The following ZCWPW2 variants were observed in gnomAD, a reference collection of about 807,000 sequenced individuals.
ZCWPW2 encodes the protein zinc finger CW-type PWWP domain protein 2.
In ZCWPW2, 45 loss-of-function variants were observed where a neutral mutation model predicts 46.6. The ratio of observed to expected loss-of-function variants is 0.96; its 90% CI spans 0.76 to 1.24. The LOEUF is 1.24. Among genes scored for constraint, ZCWPW2 ranks in the 50% most tolerant of loss-of-function variants. The pLI, the probability that ZCWPW2 is intolerant of heterozygous loss-of-function variation, is 0.00. For missense variants in ZCWPW2, 429 were observed against 403.9 expected, an observed-to-expected ratio of 1.06 and a Z score of -0.53; for synonymous variants, 152 against 137.1, an observed-to-expected ratio of 1.11 and a Z score of -0.76.
chr3:28,442,965 T>C (rs1277971029), intron 4 of ZCWPW2, among the ~76,000 whole-genome samples: 1 of 152,170 alleles, frequency 6.6e-6, no homozygotes, highest in East Asian at 1.9e-4. Context: ...CTTCCCACAA[T>C]AATAGCCCTC....
Position 28,348,896 on chromosome 3 carries a change from C to T in ZCWPW2, c.-441C>T. The T allele has an allele frequency of 1.0e-6, 1 of 961,988 alleles. No homozygotes were observed. Among genetic ancestry groups the T allele is most frequent in the Non-Finnish European group, 1.2e-6 (1 of 808,518 alleles). The allele number at this position is 961,988 out of a possible 1,614,324, so 59.6% of individuals were successfully genotyped here. On this transcript the variant is annotated 5_prime_UTR_variant, in exon 1 of 10. Transcript: ENST00000383768. ...GTTACCCAGCAATACGCGCGCGAGA[C>T]CCAGGCCCGCCGTCGGGACCAGCAC...
intron 2 of ZCWPW2, among the ~76,000 whole-genome samples, chr3:28,410,336 A>C (rs1472427754): frequency 6.6e-6 from 1 of 152,074 alleles, no homozygotes; most frequent in Non-Finnish European, 1.5e-5. Flanking sequence ...CCCCACAATC[A>C]TAAAATTTTA....
intron 4 of ZCWPW2, among the ~76,000 whole-genome samples, chr3:28,455,022 A>G (rs544810889): frequency 6.6e-6 from 1 of 152,280 alleles, no homozygotes; most frequent in South Asian, 2.1e-4. Context: ...GCTAGGTCTA[A>G]TGGTATTTCT....
At chr3:28,490,625 A>C (rs1354602771) in intron 5 of ZCWPW2, among the ~76,000 whole-genome samples, 1 of 152,100 alleles carries the variant, frequency 6.6e-6, no homozygotes, top group Admixed American at 6.6e-5. Flanking sequence ...CATTGAGTAC[A>C]TGTGGTCACA....
At chr3:28,447,701 G>A (rs369742041) in intron 4 of ZCWPW2, 17 of 485,294 alleles carry the variant, frequency 3.5e-5, no homozygotes, top group East Asian at 2.6e-4. Flanking sequence ...TAGCTTCCAC[G>A]AACGTTGTCT....
intron 1 of ZCWPW2, among the ~76,000 whole-genome samples, chr3:28,384,013 A>T (rs192686908): frequency 1.3e-4 from 20 of 152,294 alleles, no homozygotes; most frequent in African/African-American, 4.6e-4. Flanking sequence ...CAGACCATGT[A>T]GTGAATTTCC....
intron 1 of ZCWPW2, among the ~76,000 whole-genome samples, chr3:28,374,638 T>C (rs1476829405): frequency 6.6e-6 from 1 of 152,116 alleles, no homozygotes; most frequent in Non-Finnish European, 1.5e-5. Context: ...TTGTATGTTC[T>C]TTTCATCAGT....
At chr3:28,441,550 C>G (rs1272457448) in intron 4 of ZCWPW2, among the ~76,000 whole-genome samples, 8 of 152,164 alleles carry the variant, frequency 5.3e-5, no homozygotes, top group Non-Finnish European at 1.2e-4. Flanking sequence ...GCAGAACCAT[C>G]TCTTCTTCTG....
intron 1 of ZCWPW2, among the ~76,000 whole-genome samples, chr3:28,381,972 GA>G (rs1695121585): frequency 6.6e-6 from 1 of 152,084 alleles, no homozygotes; most frequent in Non-Finnish European, 1.5e-5. Flanking sequence ...AGACCATCCA[GA>G]CCAACATGGA....
At chr3:28,349,981 A>G (rs1388853251) in intron 1 of ZCWPW2, among the ~76,000 whole-genome samples, 1 of 152,202 alleles carries the variant, frequency 6.6e-6, no homozygotes, top group Non-Finnish European at 1.5e-5. Flanking sequence ...AGGAACAAAG[A>G]CCACAAGTTG....
chr3:28,364,365 T>C (rs755888182), intron 1 of ZCWPW2, among the ~76,000 whole-genome samples: 4 of 151,682 alleles, frequency 2.6e-5, no homozygotes, highest in Non-Finnish European at 5.9e-5. Context: ...CATTGGCTGG[T>C]GGGCATTTAT....
intron 6 of ZCWPW2, among the ~76,000 whole-genome samples, chr3:28,508,894 A>T (rs1273122317): frequency 1.3e-5 from 2 of 152,126 alleles, no homozygotes; most frequent in East Asian, 3.9e-4. Context: ...TTTGTATATC[A>T]TACAGTTCAT....
intron 1 of ZCWPW2, among the ~76,000 whole-genome samples, chr3:28,351,262 A>G (rs1416895957): frequency 6.7e-6 from 1 of 149,066 alleles, no homozygotes; most frequent in Non-Finnish European, 1.5e-5. Context: ...ATATATATAT[A>G]TACATATATA....
chr3:28,471,459 T>G (rs1559518397), intron 4 of ZCWPW2, among the ~76,000 whole-genome samples: 1 of 152,050 alleles, frequency 6.6e-6, no homozygotes, highest in Non-Finnish European at 1.5e-5. Context: ...CATACACAAA[T>G]CAATCAGTGT....
intron 4 of ZCWPW2, among the ~76,000 whole-genome samples, chr3:28,473,014 T>G (rs1034000503): frequency 3.9e-5 from 6 of 152,098 alleles, no homozygotes; most frequent in Admixed American, 3.9e-4. Flanking sequence ...AGAGGCAAAT[T>G]AAAACTACAA....
At chr3:28,369,351 T>G (rs1332007281) in intron 1 of ZCWPW2, among the ~76,000 whole-genome samples, 1 of 152,220 alleles carries the variant, frequency 6.6e-6, no homozygotes, top group Admixed American at 6.5e-5. Flanking sequence ...ATGTCCTTTC[T>G]GTTTGTTAGT....
intron 2 of ZCWPW2, among the ~76,000 whole-genome samples, chr3:28,394,740 T>C (rs1237491903): frequency 6.6e-6 from 1 of 152,072 alleles, no homozygotes; most frequent in Admixed American, 6.5e-5. Flanking sequence ...TTATCTTACA[T>C]CATACACAAA....
chr3:28,426,057 C>G (rs1696994505), intron 3 of ZCWPW2, among the ~76,000 whole-genome samples: 1 of 151,742 alleles, frequency 6.6e-6, no homozygotes, highest in Non-Finnish European at 1.5e-5. Context: ...TGCAGTGAGC[C>G]AAGATAGCCC....
intron 1 of ZCWPW2, among the ~76,000 whole-genome samples, chr3:28,379,784 A>T (rs1473476928): frequency 6.6e-6 from 1 of 152,118 alleles, no homozygotes; most frequent in African/African-American, 2.4e-5. Context: ...CCTTTTCCAT[A>T]GCAAAACTAG....
Sources: allele counts gnomAD v4.1 joint callset (sites outside exome capture counted in the v4.1 genomes callset), GRCh38; gene constraint gnomAD v4.1.1; transcripts MANE v1.5; gene names NCBI Gene and HGNC (gene_info 2026-07-23, HGNC 2026-07-21).